AQR: variants seen among roughly 807,000 people sequenced by gnomAD.
The protein encoded by AQR is aquarius intron-binding spliceosomal factor.
A neutral mutation model predicts 180.5 loss-of-function variants in AQR; 61 were observed. The observed-to-expected ratio is 0.34, with a 90% CI of 0.28 to 0.42. AQR has a LOEUF of 0.42. AQR is among the 10% of genes least tolerant of loss of function. The pLI is 1.00. For missense variants in AQR, 1,281 were observed against 1,798.3 expected (o/e 0.71, Z 5.20); for synonymous variants, 551 against 588.8 (o/e 0.94, Z 0.93).
chr15:34,916,389 C>T (rs989912961), intron 15 of AQR, among the ~76,000 whole-genome samples: 1 of 151,694 alleles, frequency 6.6e-6, no homozygotes, highest in Admixed American at 6.6e-5. Flanking sequence ...TTAAAAAATC[C>T]CAGAACACAT....
At position 34,920,387 on chromosome 15, in the gene AQR, G is replaced by A. The variant is rs1893665391; in HGVS notation, c.1166C>T (p.Thr389Ile). 1.9e-6 allele frequency: 3 copies of A among 1,613,650 alleles called. No individual in the cohort carries two copies. Among genetic ancestry groups the A allele is most frequent in the Admixed American group, 1.7e-5 (1 of 59,962 alleles). Residue 389 changes from threonine to isoleucine, a missense_variant, in exon 14 of 35, where the codon ACT becomes ATT. Physicochemically the swap from Thr to Ile is moderately conservative, Grantham distance 89 (BLOSUM62 -1). Coordinates refer to ENST00000156471, the MANE Select transcript of AQR (RefSeq NM_014691.3). Reference sequence around the variant, plus strand: ...AGTTGTGTCTTCATTTTTAGGAAGAGTTGGCAACAAGCAGAGGTATGATGC... The same window carrying A: ...AGTTGTGTCTTCATTTTTAGGAAGAATTGGCAACAAGCAGAGGTATGATGC... ...QVASYLCLLP[T>I]LPKNEDTTFD...
chr15:34,960,416 T>G (rs1460062812), intron 3 of AQR, among the ~76,000 whole-genome samples: 2 of 152,218 alleles, frequency 1.3e-5, no homozygotes, highest in African/African-American at 4.8e-5. Context: ...ACATTACATA[T>G]GTATACTATA....
At chr15:34,917,382 A>G (rs1893610851) in intron 15 of AQR, among the ~76,000 whole-genome samples, 1 of 152,216 alleles carries the variant, frequency 6.6e-6, no homozygotes, top group African/African-American at 2.4e-5. Flanking sequence ...CCTTCAAAGT[A>G]TATCTGAATG....
chr15:34,916,138 GAAT>G (rs1439614079), intron 15 of AQR, among the ~76,000 whole-genome samples: 2 of 152,116 alleles, frequency 1.3e-5, no homozygotes, highest in African/African-American at 2.4e-5. Flanking sequence ...ATACTGAAGT[GAAT>G]AATGTTACCA....
At position 34,948,312 on chromosome 15, in the gene AQR, G is replaced by A. The variant is rs1272693773; in HGVS notation, c.282C>T (p.Ile94=). 13 of 1,613,504 alleles carry A rather than the reference G, an allele frequency of 8.1e-6. No individual in the cohort carries two copies. The highest frequency in any genetic ancestry group is 1.6e-4 in the Middle Eastern group (1 of 6,084). Residue 94 remains isoleucine (I), a synonymous_variant, in exon 5 of 35, where the codon ATC becomes ATT. Transcript: ENST00000156471. ...EVSSKAYLMS[I]CCMVNEKFRE... ...TAAACTTCTCATTCACCATACAGCA[G>A]ATTGACATTAAATAGGCCTTGCTAG...
At chr15:34,936,734 T>G (rs1216599235) in intron 9 of AQR, among the ~76,000 whole-genome samples, 1 of 151,488 alleles carries the variant, frequency 6.6e-6, no homozygotes, top group Admixed American at 6.6e-5. Flanking sequence ...AAAAAAAAGT[T>G]GTTTTCTGAC....
intron 13 of AQR, among the ~76,000 whole-genome samples, chr15:34,924,699 G>C (rs377024831): frequency 6.6e-6 from 1 of 152,074 alleles, no homozygotes; most frequent in Admixed American, 6.6e-5. Flanking sequence ...CCAAAGTGCT[G>C]GGGTTATAGG....
chr15:34,871,769 A>T (rs1191341654), intron 30 of AQR, among the ~76,000 whole-genome samples: 2 of 151,992 alleles, frequency 1.3e-5, no homozygotes, highest in African/African-American at 2.4e-5. Context: ...TGGGATGAGG[A>T]TGTGACCGCA....
intron 16 of AQR, among the ~76,000 whole-genome samples, chr15:34,912,836 T>C (rs2070905911): frequency 1.3e-5 from 2 of 152,176 alleles, no homozygotes; most frequent in Non-Finnish European, 2.9e-5. Flanking sequence ...CCTACAAAGA[T>C]AAACTGCCTC....
At chr15:34,860,609 C>G (rs1892657397) in intron 33 of AQR, among the ~76,000 whole-genome samples, 1 of 152,148 alleles carries the variant, frequency 6.6e-6, no homozygotes, top group Non-Finnish European at 1.5e-5. Flanking sequence ...TCAACACAGT[C>G]TGAAACAGCA....
At chr15:34,956,077 ATGTT>A (rs1458754507) in intron 3 of AQR, among the ~76,000 whole-genome samples, 1 of 152,144 alleles carries the variant, frequency 6.6e-6, no homozygotes, top group Non-Finnish European at 1.5e-5. Flanking sequence ...AACACCGACA[ATGTT>A]CGTGGAGTTT....
chr15:34,894,787 T>C (rs944910694), intron 22 of AQR, among the ~76,000 whole-genome samples: 1 of 152,016 alleles, frequency 6.6e-6, no homozygotes, highest in East Asian at 1.9e-4. Context: ...ATAATACTGA[T>C]TGTAAGTAGG....
At chr15:34,933,014 G>A (rs1222260089) in intron 10 of AQR, among the ~76,000 whole-genome samples, 2 of 152,246 alleles carry the variant, frequency 1.3e-5, no homozygotes, top group Non-Finnish European at 2.9e-5. Flanking sequence ...ATCTTGGCCA[G>A]TAGTTTTCCA....
intron 1 of AQR, among the ~76,000 whole-genome samples, chr15:34,967,257 C>T (rs778620942): frequency 3.9e-5 from 6 of 152,110 alleles, no homozygotes; most frequent in Non-Finnish European, 5.9e-5. Flanking sequence ...TTGCTCTTCT[C>T]AAAACTGGCT....
chr15:34,914,815 C>T (rs962132448), intron 16 of AQR, among the ~76,000 whole-genome samples: 11 of 152,210 alleles, frequency 7.2e-5, no homozygotes, highest in Admixed American at 2.0e-4. Context: ...TATCCCCAGT[C>T]TCCCACTCCC....
chr15:34,860,350 A>C (rs1419784750), intron 33 of AQR, among the ~76,000 whole-genome samples, 195 bp from the exon 34 acceptor site: 6 of 152,024 alleles, frequency 3.9e-5, no homozygotes, highest in African/African-American at 1.4e-4. Flanking sequence ...ACTTAAATAG[A>C]ATTAATAAAA....
chr15:34,960,950 G>C, intron 2 of AQR, 136 bp from the exon 3 acceptor site: 1 of 384,582 alleles, frequency 2.6e-6, no homozygotes, highest in Non-Finnish European at 4.6e-6. Context: ...TTGAAATAAT[G>C]AGATATTTAA....
chr15:34,890,518 T>C (rs1383838961), intron 23 of AQR, among the ~76,000 whole-genome samples, 194 bp from the exon 24 acceptor site: 2 of 152,230 alleles, frequency 1.3e-5, no homozygotes, highest in Non-Finnish European at 2.9e-5. Flanking sequence ...CTAGAAACCA[T>C]AAAACCACCC....
At position 34,929,291 on chromosome 15, in the gene AQR, C is replaced by T. The variant is rs138518114; in HGVS notation, c.1014+967G>A. 3.5e-3 allele frequency among the ~76,000 whole-genome samples: 527 copies of T among 152,286 alleles called. 20 individuals carry two copies. The highest frequency in any genetic ancestry group is 0.026 in the Admixed American group (391 of 15,304). On this transcript the variant is annotated intron_variant, in intron 12 of 34. Coordinates refer to ENST00000156471, the MANE Select transcript of AQR (RefSeq NM_014691.3). ...ATGCCTATGTCCTGAATGGTATCGC[C>T]TAGGTTTTCTTCTAGGGTTTTTATG...
Sources: allele counts gnomAD v4.1 joint callset (sites outside exome capture counted in the v4.1 genomes callset), GRCh38; gene constraint gnomAD v4.1.1; transcripts MANE v1.5; gene names NCBI Gene and HGNC (gene_info 2026-07-23, HGNC 2026-07-21).